CNNM2: variants seen among roughly 807,000 people sequenced by gnomAD.
CNNM2 encodes the protein metal transporter CNNM2.
A neutral mutation model predicts 66.9 loss-of-function variants in CNNM2; 12 were observed. That is an observed-to-expected ratio of 0.18 (90% CI 0.11 to 0.29). The LOEUF is 0.29. Ranked by LOEUF, CNNM2 falls within the 10% of genes least tolerant of loss-of-function variation. CNNM2 has a pLI of 1.00. For missense variants in CNNM2, 705 were observed against 1,167.7 expected (o/e 0.60, Z 5.77); for synonymous variants, 557 against 501.8 (o/e 1.11, Z -1.47).
intron 1 of CNNM2, among the ~76,000 whole-genome samples, chr10:102,958,471 T>G (rs1216674670): frequency 1.5e-4 from 18 of 120,054 alleles, no homozygotes; most frequent in East Asian, 4.7e-4. Flanking sequence ...TTTTTTTTTT[T>G]TTTTTTTTTT....
chr10:102,958,459 G>GTTTTTTTTTTTTT (rs33992570), intron 1 of CNNM2, among the ~76,000 whole-genome samples: 1 of 51,702 alleles, frequency 1.9e-5, no homozygotes, highest in Non-Finnish European at 3.5e-5. Flanking sequence ...CAAGCAACTT[G>GTTTTTTTTTTTTT]TTTTTTTTTT....
intron 1 of CNNM2, among the ~76,000 whole-genome samples, chr10:102,970,552 G>T (rs373064097): frequency 9.2e-5 from 14 of 152,232 alleles, no homozygotes; most frequent in African/African-American, 3.1e-4. Flanking sequence ...CATTCCAGAT[G>T]TTGCCTATTC....
intron 1 of CNNM2, among the ~76,000 whole-genome samples, chr10:102,929,256 C>G (rs910818771): frequency 6.6e-6 from 1 of 151,750 alleles, no homozygotes; most frequent in African/African-American, 2.4e-5. Context: ...GAGACTCTGT[C>G]TCAAAACAAG....
intron 1 of CNNM2, among the ~76,000 whole-genome samples, chr10:102,988,308 T>C (rs981711483): frequency 6.6e-6 from 1 of 151,620 alleles, no homozygotes; most frequent in African/African-American, 2.4e-5. Context: ...TTCAAAAAAA[T>C]AATAATAGAA....
At chr10:103,021,213 G>A (rs758010515) in intron 1 of CNNM2, among the ~76,000 whole-genome samples, 1 of 152,166 alleles carries the variant, frequency 6.6e-6, no homozygotes, top group Non-Finnish European at 1.5e-5. Flanking sequence ...ACAGGGCAAG[G>A]AGGGACAGGC....
At chr10:103,002,525 G>C (rs992338543) in intron 1 of CNNM2, among the ~76,000 whole-genome samples, 1 of 146,332 alleles carries the variant, frequency 6.8e-6, no homozygotes, top group Admixed American at 7.0e-5. Context: ...TGTCGCCCAG[G>C]CTGGAGTGCA....
chr10:103,089,693 C>A lies in CNNM2; in HGVS notation c.*12513C>A, dbSNP rs141031435. 3.5e-4 allele frequency: 570 copies of A among 1,607,780 alleles called. 1 individual carries two copies. Among genetic ancestry groups the A allele is most frequent in the Non-Finnish European group, 4.7e-4 (553 of 1,176,918 alleles). The stretch of plus-strand genomic sequence containing the variant: ...CTCCTTATTCTTCCTCCTCCTCCTC[C>A]TCTTCATCATCATCTTCGTCATGGC... On this transcript the variant is annotated 3_prime_UTR_variant, in exon 8 of 8. Coordinates refer to ENST00000369878, the MANE Select transcript of CNNM2 (RefSeq NM_017649.5).
At chr10:102,920,421 G>A (rs1022486817) in intron 1 of CNNM2, among the ~76,000 whole-genome samples, 1 of 151,932 alleles carries the variant, frequency 6.6e-6, no homozygotes, top group Non-Finnish European at 1.5e-5. Context: ...TTCTTGAGGG[G>A]TCTGCCGCCT....
Position 102,918,687 on chromosome 10 carries a change from T to A in CNNM2, c.207T>A (p.Asn69Lys). Residue 69 changes from asparagine to lysine, a missense_variant, in exon 1 of 8, where the codon AAT becomes AAA. Physicochemically the swap from Asn to Lys is moderately conservative, Grantham distance 94 (BLOSUM62 0). This residue lies in a region of CNNM2 where 37 missense variants were observed against 58.5 expected (regional missense o/e 0.63). Coordinates refer to ENST00000369878, the MANE Select transcript of CNNM2 (RefSeq NM_017649.5). This position sits in a 1 kb window ranked among gnomAD's most constrained non-coding sequence, Gnocchi z 4.1. Reference protein sequence around the residue: ...GAGGCAAVGENEETVIIGLRL... With the variant: ...GAGGCAAVGEKEETVIIGLRL... ...GCGGCTGCGCAGCGGTGGGCGAGAA[T>A]GAGGAGACGGTGATCATCGGGCTGC... 2 of 1,555,914 alleles carry A rather than the reference T, an allele frequency of 1.3e-6. No individual in the cohort carries two copies. The highest frequency in any genetic ancestry group is 1.2e-5 in the South Asian group (1 of 84,382).
chr10:102,965,224 A>G (rs1353878348), intron 1 of CNNM2, among the ~76,000 whole-genome samples: 1 of 152,220 alleles, frequency 6.6e-6, no homozygotes, highest in African/African-American at 2.4e-5. Flanking sequence ...TCTATAAATA[A>G]TGCTTCTTCC....
rs374833771 is a variant in CNNM2, at chr10:102,999,718, A to G, written c.1622-49989A>G. Among the ~76,000 whole-genome samples, 234 of 152,306 alleles carry G rather than the reference A, an allele frequency of 1.5e-3. 1 individual carries two copies. The highest frequency in any genetic ancestry group is 5.4e-3 in the African/African-American group (223 of 41,580). On this transcript the variant is annotated intron_variant, in intron 1 of 7. Coordinates refer to ENST00000369878, the MANE Select transcript of CNNM2 (RefSeq NM_017649.5). ...AAATTCATGTGGAAATTCAAGGGACACAGAATAGCTAAAAACAGTCTTGAA... is the reference window on the plus strand; with the variant it reads ...AAATTCATGTGGAAATTCAAGGGACGCAGAATAGCTAAAAACAGTCTTGAA...
intron 1 of CNNM2, among the ~76,000 whole-genome samples, chr10:102,930,062 T>C (rs1176867079): frequency 2.6e-5 from 4 of 152,218 alleles, no homozygotes; most frequent in Non-Finnish European, 4.4e-5. Context: ...AAAAGAGCTA[T>C]GTTAGCTTTT....
chr10:102,985,951 A>C (rs1025673869), intron 1 of CNNM2, among the ~76,000 whole-genome samples: 5 of 152,126 alleles, frequency 3.3e-5, no homozygotes, highest in Non-Finnish European at 7.4e-5. Context: ...TTATCTGTTT[A>C]CCTGTTAGCT....
chr10:103,025,476 T>A (rs892968662), intron 1 of CNNM2, among the ~76,000 whole-genome samples: 1 of 152,230 alleles, frequency 6.6e-6, no homozygotes, highest in African/African-American at 2.4e-5. Context: ...CAAATATTAT[T>A]TTCTCCATCA....
chr10:102,985,232 G>A (rs1044109275), intron 1 of CNNM2, among the ~76,000 whole-genome samples: 2 of 152,080 alleles, frequency 1.3e-5, no homozygotes, highest in Admixed American at 1.3e-4. Context: ...TTGAATAGCG[G>A]ATCCTTTCCA....
chr10:103,010,163 T>C (rs964529506), intron 1 of CNNM2, among the ~76,000 whole-genome samples: 1 of 152,104 alleles, frequency 6.6e-6, no homozygotes, highest in Non-Finnish European at 1.5e-5. Flanking sequence ...AATAACGTAA[T>C]ATAGAAACAT....
Position 103,089,537 on chromosome 10 carries a change from T to C in CNNM2, c.*12357T>C. The stretch of plus-strand genomic sequence containing the variant: ...AACAAGTATCTATGATAATAAAATC[T>C]TCAGAAACTTTTCAGACGTACCTTT... On this transcript the variant is annotated 3_prime_UTR_variant, in exon 8 of 8. Coordinates refer to ENST00000369878, the MANE Select transcript of CNNM2 (RefSeq NM_017649.5). The C allele has an allele frequency of 7.1e-7, 1 of 1,405,762 alleles. No homozygotes were observed. The highest frequency in any genetic ancestry group is 9.3e-7 in the Non-Finnish European group (1 of 1,072,030). The allele number at this position is 1,405,762 out of a possible 1,614,324, so 87.1% of individuals were successfully genotyped here.
intron 1 of CNNM2, among the ~76,000 whole-genome samples, chr10:103,004,793 G>A (rs554730954): frequency 2.1e-4 from 32 of 152,272 alleles, no homozygotes; most frequent in African/African-American, 7.2e-4. Flanking sequence ...CTTCTAGATC[G>A]TCTCAGCTTT....
chr10:102,985,889 C>T (rs1177313016), intron 1 of CNNM2, among the ~76,000 whole-genome samples: 3 of 152,172 alleles, frequency 2.0e-5, no homozygotes, highest in Non-Finnish European at 4.4e-5. Context: ...GTTCAGACTT[C>T]AGAGTATTAT....
Sources: gnomAD v4.1 joint callset for allele counts (sites outside exome capture counted in the v4.1 genomes callset) on GRCh38, gnomAD v4.1.1 for gene constraint, gnomAD v4.1.1 regional missense constraint, Gnocchi (gnomAD v3.1) non-coding constraint, MANE v1.5 for transcripts, NCBI Gene and HGNC (gene_info 2026-07-23, HGNC 2026-07-21) for gene names.